The following LRRTM4 variants were observed in gnomAD, a reference collection of about 807,000 sequenced individuals.
The protein encoded by LRRTM4 is leucine rich repeat transmembrane neuronal 4.
LRRTM4 carries 25 observed loss-of-function variants against 47.6 expected under a neutral mutation model. That is an observed-to-expected ratio of 0.53 (90% CI 0.38 to 0.73). The LOEUF is 0.73. LRRTM4 is among the 30% of genes least tolerant of loss of function. The pLI, the probability that LRRTM4 is intolerant of heterozygous loss-of-function variation, is 0.00. For missense variants in LRRTM4, 638 were observed against 713.4 expected (o/e 0.89, Z 1.20); for synonymous variants, 311 against 269.5 (o/e 1.15, Z -1.51).
chr2:77,083,162 C>T (rs1192588589), intron 3 of LRRTM4, among the ~76,000 whole-genome samples: 1 of 151,868 alleles, frequency 6.6e-6, no homozygotes, highest in Non-Finnish European at 1.5e-5. Context: ...TTTAATTTTC[C>T]ATAAAACAAT....
chr2:77,363,340 A>C (rs1672313415), intron 3 of LRRTM4, among the ~76,000 whole-genome samples: 1 of 152,188 alleles, frequency 6.6e-6, no homozygotes, highest in Non-Finnish European at 1.5e-5. Flanking sequence ...AAGGAAAACA[A>C]TAATAAAACT....
intron 3 of LRRTM4, among the ~76,000 whole-genome samples, chr2:77,117,808 T>G (rs1671427474): frequency 6.6e-6 from 1 of 151,954 alleles, no homozygotes; most frequent in Admixed American, 6.6e-5. Flanking sequence ...AAAACATTTA[T>G]GGGTCCTGGA....
chr2:76,861,110 A>G (rs1249475787), intron 3 of LRRTM4, among the ~76,000 whole-genome samples: 2 of 152,076 alleles, frequency 1.3e-5, no homozygotes, highest in Admixed American at 1.3e-4. Flanking sequence ...TTGATAAAAC[A>G]TTTTGCCTCT....
chr2:77,238,950 A>AG (rs1453237928), intron 3 of LRRTM4, among the ~76,000 whole-genome samples: 1 of 152,018 alleles, frequency 6.6e-6, no homozygotes, highest in Non-Finnish European at 1.5e-5. Flanking sequence ...GAAATGCTAA[A>AG]GGACATTCTT....
At chr2:77,254,473 C>T (rs6721503) in intron 3 of LRRTM4, among the ~76,000 whole-genome samples, 27,299 of 151,518 alleles carry the variant, frequency 0.18, 7,149 homozygotes, top group African/African-American at 0.58. Context: ...AAGGAACAAA[C>T]CTTGGAATAT....
intron 3 of LRRTM4, among the ~76,000 whole-genome samples, chr2:77,260,028 A>T (rs755046158): frequency 1.3e-5 from 2 of 152,032 alleles, no homozygotes; most frequent in Non-Finnish European, 2.9e-5. Flanking sequence ...TAGTGTCAGG[A>T]GGTTTTAGAT....
chr2:77,394,506 T>C (rs1280168654), intron 3 of LRRTM4, among the ~76,000 whole-genome samples: 1 of 151,930 alleles, frequency 6.6e-6, no homozygotes, highest in Non-Finnish European at 1.5e-5. Flanking sequence ...GCCTGCAAGA[T>C]GGCCATTCTG....
intron 3 of LRRTM4, among the ~76,000 whole-genome samples, chr2:77,471,681 T>A (rs1046467883): frequency 9.2e-5 from 14 of 152,156 alleles, no homozygotes; most frequent in Admixed American, 2.0e-4. Flanking sequence ...ACTTGATAGC[T>A]TCTCTAACTT....
At chr2:76,880,040 T>A (rs538941406) in intron 3 of LRRTM4, among the ~76,000 whole-genome samples, 63 of 152,304 alleles carry the variant, frequency 4.1e-4, no homozygotes, top group Non-Finnish European at 6.8e-4. Flanking sequence ...GAAAGTAGAA[T>A]CTTGAGATGG....
intron 3 of LRRTM4, among the ~76,000 whole-genome samples, chr2:77,172,849 C>A (rs1431513672): frequency 1.3e-5 from 2 of 152,134 alleles, no homozygotes; most frequent in Non-Finnish European, 2.9e-5. Flanking sequence ...TTAGTAAAAA[C>A]CCCCAAATAT....
chr2:77,380,193 T>C (rs1172626536), intron 3 of LRRTM4, among the ~76,000 whole-genome samples: 4 of 152,174 alleles, frequency 2.6e-5, no homozygotes, highest in Non-Finnish European at 5.9e-5. Context: ...ATATACTATT[T>C]GCATATTAAA....
chr2:77,158,120 G>A (rs1032675059), intron 3 of LRRTM4, among the ~76,000 whole-genome samples: 3 of 152,180 alleles, frequency 2.0e-5, no homozygotes, highest in Non-Finnish European at 4.4e-5. Flanking sequence ...TATGGAGAGG[G>A]AGGGAGGAGG....
At chr2:76,869,870 ATAT>A (rs1415994236) in intron 3 of LRRTM4, among the ~76,000 whole-genome samples, 4 of 152,176 alleles carry the variant, frequency 2.6e-5, no homozygotes, top group South Asian at 2.1e-4. Flanking sequence ...ATAAACTTGA[ATAT>A]TATTTTTAAT....
chr2:77,254,874 G>T (rs1217444937), intron 3 of LRRTM4, among the ~76,000 whole-genome samples: 1 of 138,350 alleles, frequency 7.2e-6, no homozygotes, highest in Non-Finnish European at 1.6e-5. Flanking sequence ...AGCGAACAGA[G>T]AAATAGGAAA....
chr2:76,972,412 C>CTT (rs397869502), intron 3 of LRRTM4, among the ~76,000 whole-genome samples: 2,333 of 95,174 alleles, frequency 0.025, 99 homozygotes, highest in East Asian at 0.11. Context: ...TCATTGAACA[C>CTT]TTTTTTTTTT....
At position 76,797,785 on chromosome 2, in the gene LRRTM4, T is replaced by C. The variant is rs568951179; in HGVS notation, c.1552-48869A>G. Among the ~76,000 whole-genome samples, 226 of 149,354 alleles carry C rather than the reference T, an allele frequency of 1.5e-3. 2 individuals are homozygous for C. The highest frequency in any genetic ancestry group is 5.5e-3 in the African/African-American group (220 of 39,872). On this transcript the variant is annotated intron_variant, in intron 3 of 3. Coordinates refer to ENST00000409884, the MANE Select transcript of LRRTM4 (RefSeq NM_001134745.3). Reference sequence around the variant, plus strand: ...GATGGGGGAAGATCTACCAAGCCAATGGAAAACAAAAAAAGGCAGGGGTTG... The same window carrying C: ...GATGGGGGAAGATCTACCAAGCCAACGGAAAACAAAAAAAGGCAGGGGTTG...
At chr2:77,062,038 T>C (rs934139479) in intron 3 of LRRTM4, among the ~76,000 whole-genome samples, 13 of 152,198 alleles carry the variant, frequency 8.5e-5, no homozygotes, top group Non-Finnish European at 1.2e-4. Context: ...AATATGCTTG[T>C]GACAAATGTG....
intron 3 of LRRTM4, among the ~76,000 whole-genome samples, chr2:77,190,695 T>G (rs140247524): frequency 3.3e-5 from 5 of 152,320 alleles, no homozygotes; most frequent in African/African-American, 9.6e-5. Flanking sequence ...TATGGTTGAC[T>G]GTCATGTGAT....
intron 3 of LRRTM4, among the ~76,000 whole-genome samples, chr2:77,072,175 A>G (rs950324479): frequency 2.6e-5 from 4 of 152,152 alleles, no homozygotes; most frequent in African/African-American, 9.6e-5. Flanking sequence ...GTGTTAATTT[A>G]AGATCCCAGA....
Sources: allele counts gnomAD v4.1 joint callset (sites outside exome capture counted in the v4.1 genomes callset), GRCh38; gene constraint gnomAD v4.1.1; transcripts MANE v1.5; gene names NCBI Gene and HGNC (gene_info 2026-07-23, HGNC 2026-07-21).